The following PLCE1 variants were observed in gnomAD, a reference collection of about 807,000 sequenced individuals.
PLCE1 encodes the protein phospholipase C epsilon 1.
In PLCE1, 119 loss-of-function variants were observed where a neutral mutation model predicts 242.8. That is an observed-to-expected ratio of 0.49 (90% CI 0.42 to 0.57). PLCE1 has a LOEUF of 0.57. Among genes scored for constraint, PLCE1 ranks in the 20% least tolerant of loss-of-function variants. The pLI is 0.00. For synonymous variants in PLCE1, 945 were observed against 1,017.4 expected (o/e 0.93, Z 1.35); for missense variants, 2,441 against 2,788.8 (o/e 0.88, Z 2.81).
chr10:94,043,224 A>G (rs2061804697), intron 2 of PLCE1, among the ~76,000 whole-genome samples: 1 of 152,212 alleles, frequency 6.6e-6, no homozygotes, highest in African/African-American at 2.4e-5. Context: ...ACTACAGAGG[A>G]GGCAACAAAA....
intron 2 of PLCE1, among the ~76,000 whole-genome samples, chr10:94,042,528 T>C (rs1233086138): frequency 6.6e-6 from 1 of 152,168 alleles, no homozygotes; most frequent in Non-Finnish European, 1.5e-5. Context: ...AACTTACCCC[T>C]ATAACTTGGC....
intron 24 of PLCE1, among the ~76,000 whole-genome samples, chr10:94,304,105 C>T (rs918859618): frequency 6.6e-6 from 1 of 152,178 alleles, no homozygotes; most frequent in Non-Finnish European, 1.5e-5. Flanking sequence ...GACTTTGGTA[C>T]CTTCTCGTCC....
At position 93,993,949 on chromosome 10, in the gene PLCE1, GGCGGGAGCGGA is replaced by G; in HGVS notation, c.-673_-663del. ...GCTGTCCGGGCAGCGCGCACATCTCGGCGGGAGCGGACTGTGAACGGCGCGGGTCCACACGG... is the reference window on the plus strand; with the variant it reads ...GCTGTCCGGGCAGCGCGCACATCTCGCTGTGAACGGCGCGGGTCCACACGG... On this transcript the variant is annotated 5_prime_UTR_variant, in exon 1 of 33. Transcript: ENST00000371380. Among the ~76,000 whole-genome samples, 1 of 151,214 alleles carries G rather than the reference GGCGGGAGCGGA, an allele frequency of 6.6e-6. No individual in the cohort carries two copies. Among genetic ancestry groups the G allele is most frequent in the East Asian group, 1.9e-4 (1 of 5,136 alleles).
intron 7 of PLCE1, among the ~76,000 whole-genome samples, chr10:94,243,471 T>C (rs1229782915): frequency 2.0e-5 from 3 of 152,202 alleles, no homozygotes; most frequent in Non-Finnish European, 4.4e-5. Context: ...CCTTAATTAG[T>C]GATAATGTGT....
Position 94,089,502 on chromosome 10 carries a change from A to T in PLCE1, c.1207-42672A>T, listed in dbSNP as rs192209652. ...TACAATTCCTCTGAGACATTTTACA[A>T]AGAAGATCAGAGAAGTTTCTTTCCT... is the stretch of plus-strand genomic sequence containing the variant. On this transcript the variant is annotated intron_variant, in intron 2 of 32. Transcript: ENST00000371380. 3.1e-5 allele frequency: 20 copies of T among 636,526 alleles called. No homozygotes were observed. In the East Asian group the frequency reaches 5.9e-4, roughly 19 times the overall value. The allele number at this position is 636,526 out of a possible 1,614,324, so 39.4% of individuals were successfully genotyped here. A position where few individuals can be genotyped will look rare whatever the true frequency, so the allele number is the denominator to read the frequency against.
At chr10:94,292,051 C>T (rs1249896280) in intron 22 of PLCE1, among the ~76,000 whole-genome samples, 7 of 152,162 alleles carry the variant, frequency 4.6e-5, no homozygotes, top group Admixed American at 4.6e-4. Flanking sequence ...ACTGGTCCCT[C>T]ATCAGTTTTA....
chr10:94,031,649 C>A lies in PLCE1; in HGVS notation c.603C>A (p.Phe201Leu), dbSNP rs746265623. 1 of 1,613,856 alleles carries A rather than the reference C, an allele frequency of 6.2e-7. No individual in the cohort carries two copies. The highest frequency in any genetic ancestry group is 8.5e-7 in the Non-Finnish European group (1 of 1,179,874). Residue 201 changes from phenylalanine (F) to leucine (L), a missense_variant, in exon 2 of 33, where the codon TTC (phenylalanine) becomes TTA (leucine). By Grantham distance (22) the Phe-to-Leu change is conservative. This residue lies in a region of PLCE1 where 393 missense variants were observed against 378.5 expected (regional missense o/e 1.04). Transcript: ENST00000371380. Reference sequence around the variant, plus strand: ...TTGACAGAAGAATGTCAGACACTTTCTGTACCCTATCAGAAAACTTAATTT... The same window carrying A: ...TTGACAGAAGAATGTCAGACACTTTATGTACCCTATCAGAAAACTTAATTT... Reference protein sequence around the residue: ...YEVDRRMSDTFCTLSENLILD... With the variant: ...YEVDRRMSDTLCTLSENLILD...
chr10:94,249,937 T>TG (rs968056616), intron 8 of PLCE1, among the ~76,000 whole-genome samples: 2 of 151,630 alleles, frequency 1.3e-5, no homozygotes, highest in Non-Finnish European at 2.9e-5. Context: ...TATCTTTACG[T>TG]GGGGGAAAAA....
chr10:94,304,344 A>G, intron 24 of PLCE1, 138 bp from the exon 25 acceptor site: 1 of 804,184 alleles, frequency 1.2e-6, no homozygotes, highest in East Asian at 2.5e-5. Context: ...CTGTGGGACG[A>G]ATGGGTGATT....
At chr10:94,104,421 A>G (rs2045652362) in intron 2 of PLCE1, 1 of 152,180 alleles carries the variant, frequency 6.6e-6, no homozygotes, top group Non-Finnish European at 1.5e-5. Context: ...TTTTTCTCAC[A>G]CAGAGATTAA....
At chr10:94,082,308 G>A (rs1044799502) in intron 2 of PLCE1, 2 of 152,154 alleles carry the variant, frequency 1.3e-5, no homozygotes, top group East Asian at 1.9e-4. Flanking sequence ...GCTAGAGTTT[G>A]GCCACCACAT....
chr10:94,008,481 G>T (rs1447661623), intron 1 of PLCE1, among the ~76,000 whole-genome samples: 2 of 151,936 alleles, frequency 1.3e-5, no homozygotes, highest in Non-Finnish European at 2.9e-5. Flanking sequence ...GCTAATTTTT[G>T]CATTTTTAAT....
chr10:94,001,183 G>T (rs981189152), intron 1 of PLCE1, among the ~76,000 whole-genome samples: 2 of 152,146 alleles, frequency 1.3e-5, no homozygotes, highest in African/African-American at 4.8e-5. Context: ...CATAGATAGG[G>T]TGCCTAATCT....
At chr10:94,289,897 C>T (rs1387039248) in intron 22 of PLCE1, among the ~76,000 whole-genome samples, 1 of 151,978 alleles carries the variant, frequency 6.6e-6, no homozygotes, top group Non-Finnish European at 1.5e-5. Context: ...AATAAATTAA[C>T]CTTAGCTTAC....
intron 4 of PLCE1, among the ~76,000 whole-genome samples, chr10:94,174,862 A>G (rs942823441): frequency 2.6e-5 from 4 of 152,174 alleles, no homozygotes; most frequent in African/African-American, 9.7e-5. Flanking sequence ...AAAGACATTA[A>G]TGGAAAAACT....
At chr10:94,053,414 C>G (rs2043816713) in intron 2 of PLCE1, among the ~76,000 whole-genome samples, 1 of 152,190 alleles carries the variant, frequency 6.6e-6, no homozygotes, top group South Asian at 2.1e-4. Flanking sequence ...CTCTTTATGT[C>G]TGAGCAAATA....
intron 21 of PLCE1, among the ~76,000 whole-genome samples, chr10:94,284,469 A>G (rs78472027): frequency 1.9e-3 from 290 of 152,344 alleles, no homozygotes; most frequent in African/African-American, 6.3e-3. Context: ...AGTGCCTCAC[A>G]GTTTATAGAC....
intron 7 of PLCE1, among the ~76,000 whole-genome samples, chr10:94,239,865 A>G (rs1360068337): frequency 1.3e-5 from 2 of 152,194 alleles, no homozygotes. Context: ...ATGATAGGAA[A>G]TCAGTTATTC....
intron 4 of PLCE1, among the ~76,000 whole-genome samples, chr10:94,223,303 A>G (rs373356962): frequency 5.7e-4 from 87 of 152,116 alleles, no homozygotes; most frequent in African/African-American, 2.0e-3. Context: ...CAACCAGTTC[A>G]AGATTCCTGA....
Sources: allele counts gnomAD v4.1 joint callset (sites outside exome capture counted in the v4.1 genomes callset), GRCh38; gene constraint gnomAD v4.1.1; regional missense constraint gnomAD v4.1.1; transcripts MANE v1.5; gene names NCBI Gene and HGNC (gene_info 2026-07-23, HGNC 2026-07-21).